The following CAPZB variants were observed in gnomAD, a reference collection of about 807,000 sequenced individuals.
The protein encoded by CAPZB is F-actin-capping protein subunit beta.
CAPZB carries 2 observed loss-of-function variants against 38.1 expected under a neutral mutation model. The observed-to-expected ratio is 0.05, with a 90% CI of 0.02 to 0.17. The LOEUF (loss-of-function observed/expected upper bound fraction) is 0.17. Ranked by LOEUF, CAPZB falls within the 10% of genes least tolerant of loss-of-function variation. The pLI is 1.00. For synonymous variants in CAPZB, 107 were observed against 127.4 expected (o/e 0.84, Z 1.08); for missense variants, 161 against 334.2 (o/e 0.48, Z 4.04).
chr1:19,455,429 T>C (rs921137480), intron 1 of CAPZB, among the ~76,000 whole-genome samples: 2 of 152,246 alleles, frequency 1.3e-5, no homozygotes, highest in African/African-American at 4.8e-5. Context: ...GGCCACGTGA[T>C]GGATAAGACA....
At chr1:19,417,682 T>A (rs1469129385) in intron 2 of CAPZB, among the ~76,000 whole-genome samples, 2 of 152,134 alleles carry the variant, frequency 1.3e-5, no homozygotes, top group African/African-American at 4.8e-5. Flanking sequence ...ACCTCCTACC[T>A]ATCCAACTTT....
chr1:19,398,650 C>G (rs2094286038), intron 2 of CAPZB, among the ~76,000 whole-genome samples: 1 of 151,866 alleles, frequency 6.6e-6, no homozygotes, highest in Non-Finnish European at 1.5e-5. Flanking sequence ...GATGTCTCAT[C>G]AGGTTTTGCT....
chr1:19,443,402 A>T (rs963964079), intron 1 of CAPZB, among the ~76,000 whole-genome samples: 5 of 152,174 alleles, frequency 3.3e-5, no homozygotes, highest in African/African-American at 9.7e-5. Flanking sequence ...TCTCAAAAAA[A>T]TAAAAATAAA....
intron 4 of CAPZB, among the ~76,000 whole-genome samples, chr1:19,359,458 C>A (rs2094041040): frequency 6.6e-6 from 1 of 152,166 alleles, no homozygotes; most frequent in African/African-American, 2.4e-5. Flanking sequence ...TGGCCCCCTG[C>A]CCAGGGCTCC....
At chr1:19,346,855 C>T (rs2093964397) in intron 6 of CAPZB, among the ~76,000 whole-genome samples, 1 of 132,512 alleles carries the variant, frequency 7.5e-6, no homozygotes, top group Admixed American at 8.6e-5. Context: ...CGGAGTTTCG[C>T]TCTTGTCGCC....
intron 6 of CAPZB, among the ~76,000 whole-genome samples, chr1:19,354,987 G>A (rs949938343): frequency 8.5e-5 from 13 of 152,144 alleles, no homozygotes; most frequent in African/African-American, 3.1e-4. Flanking sequence ...GAGTAGTCCT[G>A]GGATGGGACT....
chr1:19,469,212 G>T (rs974143428), intron 1 of CAPZB, among the ~76,000 whole-genome samples: 24 of 152,232 alleles, frequency 1.6e-4, no homozygotes, highest in African/African-American at 5.5e-4. Flanking sequence ...GGAGGGAACA[G>T]GCAGGGAAGG....
intron 4 of CAPZB, among the ~76,000 whole-genome samples, chr1:19,365,814 A>T (rs2100358434): frequency 6.6e-6 from 1 of 151,932 alleles, no homozygotes; most frequent in African/African-American, 2.4e-5. Flanking sequence ...AGCCTGAGTA[A>T]CAAGAGTGAA....
intron 6 of CAPZB, among the ~76,000 whole-genome samples, chr1:19,353,339 G>A: frequency 6.6e-6 from 1 of 152,140 alleles, no homozygotes; most frequent in East Asian, 1.9e-4. Context: ...AAAAACCCAG[G>A]CCCAGGTTGC....
chr1:19,355,900 C>G (rs1180346473), intron 6 of CAPZB, among the ~76,000 whole-genome samples: 1 of 152,152 alleles, frequency 6.6e-6, no homozygotes, highest in African/African-American at 2.4e-5. Context: ...TTAAACCCAC[C>G]CAGATGCTTA....
intron 2 of CAPZB, among the ~76,000 whole-genome samples, chr1:19,391,152 G>C (rs565556549): frequency 6.6e-6 from 1 of 152,050 alleles, no homozygotes; most frequent in Admixed American, 6.5e-5. Context: ...CCACAAGTGA[G>C]GTTCGTGTTT....
At chr1:19,388,633 T>A (rs1018605378) in intron 2 of CAPZB, among the ~76,000 whole-genome samples, 1 of 152,194 alleles carries the variant, frequency 6.6e-6, no homozygotes, top group Non-Finnish European at 1.5e-5. Context: ...GGAGCTGTCA[T>A]GAAAGCCCTG....
intron 4 of CAPZB, among the ~76,000 whole-genome samples, chr1:19,366,634 C>A (rs214321): frequency 0.45 from 68,666 of 151,608 alleles, 15,813 homozygotes; most frequent in East Asian, 0.56. Flanking sequence ...GTTATAGTGC[C>A]TTGAGATGGC....
In CAPZB at chr1:19,342,853, G is replaced by A. The variant is rs750564641; in HGVS notation, c.731+1505C>T. 6.3e-7 allele frequency: 1 copy of A among 1,598,536 alleles called. No homozygotes were observed. Among genetic ancestry groups the A allele is most frequent in the Non-Finnish European group, 8.6e-7 (1 of 1,167,062 alleles). ...CTTAAACTTTTGGTTGTCAGGGATA[G>A]CATCAATAGATCTACAGAGAGTGTT... is the stretch of plus-strand genomic sequence containing the variant. On this transcript the variant is annotated intron_variant, in intron 8 of 8. Coordinates refer to ENST00000264202, the MANE Select transcript of CAPZB (RefSeq NM_004930.5).
intron 6 of CAPZB, among the ~76,000 whole-genome samples, chr1:19,355,813 G>A (rs752160506): frequency 6.6e-6 from 1 of 152,220 alleles, no homozygotes; most frequent in African/African-American, 2.4e-5. Flanking sequence ...TTGTGGCACT[G>A]CACTGGCACA....
At chr1:19,460,574 CTTTTTT>C (rs35288971) in intron 1 of CAPZB, among the ~76,000 whole-genome samples, 12 of 90,982 alleles carry the variant, frequency 1.3e-4, no homozygotes, top group South Asian at 8.5e-4. Flanking sequence ...TGTGCCCAGG[CTTTTTT>C]TTTTTTTTTT....
At chr1:19,458,091 G>T (rs2094538647) in intron 1 of CAPZB, among the ~76,000 whole-genome samples, 1 of 109,408 alleles carries the variant, frequency 9.1e-6, no homozygotes, top group Non-Finnish European at 1.8e-5. Flanking sequence ...AGAAATAAAA[G>T]GAGTTGCCAA....
At position 19,387,678 on chromosome 1, in the gene CAPZB, C is replaced by T. The variant is rs1000466169; in HGVS notation, c.94-2052G>A. Among the ~76,000 whole-genome samples, 5 of 152,330 alleles carry T rather than the reference C, an allele frequency of 3.3e-5. No homozygotes were observed. The South Asian group carries it at 1.0e-3, about 32-fold the overall frequency. ...GAGCAAACAGGGTCTGAAGTTAGACCTCCTGACTCCGCTGCGTACAAGTAG... is the reference window on the plus strand; with the variant it reads ...GAGCAAACAGGGTCTGAAGTTAGACTTCCTGACTCCGCTGCGTACAAGTAG... On this transcript the variant is annotated intron_variant, in intron 2 of 8. Coordinates refer to ENST00000264202, the MANE Select transcript of CAPZB (RefSeq NM_004930.5).
At chr1:19,424,076 T>C (rs1168850543) in intron 1 of CAPZB, among the ~76,000 whole-genome samples, 3 of 152,188 alleles carry the variant, frequency 2.0e-5, no homozygotes, top group Non-Finnish European at 4.4e-5. Context: ...CCTCCCAAAG[T>C]GCTGGGTTTG....
Sources: allele counts gnomAD v4.1 joint callset (sites outside exome capture counted in the v4.1 genomes callset), GRCh38; gene constraint gnomAD v4.1.1; transcripts MANE v1.5; gene names NCBI Gene and HGNC (gene_info 2026-07-23, HGNC 2026-07-21).